Variants in HDAC9 observed in about 807,000 individuals in gnomAD.
HDAC9 encodes MEF-2 interacting transcription repressor (MITR) protein.
Under a neutral mutation model 139.4 loss-of-function variants are expected in HDAC9, and 41 were observed. That is an observed-to-expected ratio of 0.29 (90% CI 0.23 to 0.38). The LOEUF is 0.38. Among genes scored for constraint, HDAC9 ranks in the 10% least tolerant of loss-of-function variants. The pLI is 1.00. For missense variants in HDAC9, 1,147 were observed against 1,297.0 expected (o/e 0.88, Z 1.78); for synonymous variants, 517 against 476.2 (o/e 1.09, Z -1.12).
intron 1 of HDAC9, among the ~76,000 whole-genome samples, chr7:18,126,232 A>G (rs1784660088): frequency 1.3e-5 from 2 of 152,212 alleles, no homozygotes; most frequent in South Asian, 4.1e-4. Flanking sequence ...TAGCCAATTT[A>G]GAATAATTAC....
chr7:18,447,972 C>G (rs113916648), intron 1 of HDAC9, among the ~76,000 whole-genome samples: 2,374 of 152,240 alleles, frequency 0.016, 61 homozygotes, highest in African/African-American at 0.054. Flanking sequence ...TCCCTAATAG[C>G]TGGGATTACA....
chr7:18,570,753 A>G (rs1371479549), intron 2 of HDAC9, among the ~76,000 whole-genome samples: 2 of 152,242 alleles, frequency 1.3e-5, no homozygotes, highest in Non-Finnish European at 2.9e-5. Context: ...CAACCTCATA[A>G]TGTTGTAAAG....
chr7:18,970,083 T>G (rs1426124260), intron 24 of HDAC9, among the ~76,000 whole-genome samples: 1 of 152,180 alleles, frequency 6.6e-6, no homozygotes. Flanking sequence ...AAATTAAAAA[T>G]GCTAAAAATT....
chr7:18,108,782 C>A (rs1172238935), intron 1 of HDAC9, among the ~76,000 whole-genome samples: 1 of 151,956 alleles, frequency 6.6e-6, no homozygotes, highest in Non-Finnish European at 1.5e-5. Flanking sequence ...CCACCACACC[C>A]AGCTAATTTT....
chr7:18,390,309 G>A (rs568807096), intron 1 of HDAC9, among the ~76,000 whole-genome samples: 1 of 152,316 alleles, frequency 6.6e-6, no homozygotes, highest in African/African-American at 2.4e-5. Context: ...GAGAGCTGGA[G>A]AGGGGGTTTC....
At chr7:18,812,690 A>G (rs78499718) in intron 17 of HDAC9, among the ~76,000 whole-genome samples, 1 of 151,810 alleles carries the variant, frequency 6.6e-6, no homozygotes, top group Non-Finnish European at 1.5e-5. Flanking sequence ...GCTGTTTTTA[A>G]TAACAATTGG....
chr7:18,956,170 A>T (rs1395328226), intron 24 of HDAC9, among the ~76,000 whole-genome samples: 1 of 151,982 alleles, frequency 6.6e-6, no homozygotes, highest in African/African-American at 2.4e-5. Flanking sequence ...TCTGCCCCAA[A>T]GTCTATTTTA....
At chr7:18,813,237 C>G (rs1037478967) in intron 17 of HDAC9, among the ~76,000 whole-genome samples, 5 of 151,988 alleles carry the variant, frequency 3.3e-5, no homozygotes, top group African/African-American at 7.2e-5. Context: ...GAAAAAGAAA[C>G]AGTGGAGGCT....
At chr7:18,188,630 G>A (rs1183969099) in intron 2 of HDAC9, among the ~76,000 whole-genome samples, 1 of 152,028 alleles carries the variant, frequency 6.6e-6, no homozygotes, top group Non-Finnish European at 1.5e-5. Context: ...AATTTACAGG[G>A]AACTTAAACA....
intron 1 of HDAC9, among the ~76,000 whole-genome samples, chr7:18,350,626 G>A (rs952320312): frequency 3.3e-5 from 5 of 152,118 alleles, no homozygotes; most frequent in African/African-American, 1.2e-4. Context: ...CTATGACGGG[G>A]TTTCTAAGTC....
intron 2 of HDAC9, among the ~76,000 whole-genome samples, chr7:18,507,807 G>T (rs1389200462): frequency 6.6e-6 from 1 of 152,030 alleles, no homozygotes; most frequent in Non-Finnish European, 1.5e-5. Flanking sequence ...CTGACCATTA[G>T]GAATTTCCAA....
intron 22 of HDAC9, among the ~76,000 whole-genome samples, chr7:18,923,966 TAAAAC>T (rs1031784908): frequency 1.2e-4 from 18 of 152,086 alleles, no homozygotes; most frequent in Admixed American, 2.6e-4. Flanking sequence ...GGAATAGACT[TAAAAC>T]AGAACAAAAC....
At chr7:18,773,015 A>G (rs1020405892) in intron 16 of HDAC9, among the ~76,000 whole-genome samples, 1 of 152,094 alleles carries the variant, frequency 6.6e-6, no homozygotes. Context: ...TACTCTGTGT[A>G]TGGGACAAAA....
chr7:18,769,883 G>C (rs1162564616), intron 16 of HDAC9, among the ~76,000 whole-genome samples: 1 of 152,068 alleles, frequency 6.6e-6, no homozygotes, highest in Admixed American at 6.6e-5. Flanking sequence ...TTAAGGCATG[G>C]TTCTGTCTCA....
At chr7:18,640,005 A>G (rs773051870) in intron 8 of HDAC9, among the ~76,000 whole-genome samples, 1 of 151,832 alleles carries the variant, frequency 6.6e-6, no homozygotes, top group Non-Finnish European at 1.5e-5. Context: ...GTATATATAT[A>G]TTTTTTCTTT....
intron 2 of HDAC9, among the ~76,000 whole-genome samples, chr7:18,546,472 G>A (rs1814871436): frequency 6.6e-6 from 1 of 152,116 alleles, no homozygotes; most frequent in African/African-American, 2.4e-5. Flanking sequence ...CACAGTGCTT[G>A]ACACAAGGAG....
chr7:18,946,877 T>G (rs1782442011), intron 23 of HDAC9, among the ~76,000 whole-genome samples: 1 of 152,058 alleles, frequency 6.6e-6, no homozygotes, highest in Non-Finnish European at 1.5e-5. Context: ...TTCAAGGACA[T>G]TCTTAACATT....
chr7:18,545,571 C>G (rs1480123251), intron 2 of HDAC9, among the ~76,000 whole-genome samples: 1 of 152,134 alleles, frequency 6.6e-6, no homozygotes, highest in African/African-American at 2.4e-5. Flanking sequence ...AAGCAGAAGG[C>G]TTGAAACTGC....
At chr7:18,394,689 A>G (rs1160902452) in intron 1 of HDAC9, among the ~76,000 whole-genome samples, 2 of 152,122 alleles carry the variant, frequency 1.3e-5, no homozygotes, top group African/African-American at 2.4e-5. Flanking sequence ...ACAATAGACT[A>G]CATTTCATTT....
Sources: allele counts gnomAD v4.1 joint callset (sites outside exome capture counted in the v4.1 genomes callset), GRCh38; gene constraint gnomAD v4.1.1; transcripts MANE v1.5; gene names NCBI Gene and HGNC (gene_info 2026-07-23, HGNC 2026-07-21).